SGK3: variants seen among roughly 807,000 people sequenced by gnomAD.
SGK3 encodes serum/glucocorticoid regulated kinase family member 3.
SGK3 carries 47 observed loss-of-function variants against 68.5 expected under a neutral mutation model. The ratio of observed to expected loss-of-function variants is 0.69; its 90% CI spans 0.54 to 0.87. SGK3 has a LOEUF of 0.87. Among genes scored for constraint, SGK3 ranks in the 40% least tolerant of loss-of-function variants. The pLI is 0.00. For synonymous variants in SGK3, 181 were observed against 189.1 expected (o/e 0.96, Z 0.35); for missense variants, 479 against 575.5 (o/e 0.83, Z 1.72).
intron 1 of SGK3, among the ~76,000 whole-genome samples, chr8:66,730,720 C>T (rs928830826): frequency 2.0e-5 from 3 of 152,076 alleles, no homozygotes; most frequent in Non-Finnish European, 2.9e-5. Context: ...GAGACAGTCT[C>T]GCTCTGGAGT....
intron 1 of SGK3, among the ~76,000 whole-genome samples, chr8:66,755,547 A>G (rs1265627311): frequency 1.3e-5 from 2 of 152,184 alleles, no homozygotes; most frequent in Non-Finnish European, 2.9e-5. Flanking sequence ...CACCTCTTCC[A>G]GATGGTTGCT....
chr8:66,716,007 C>T (rs968567144), intron 1 of SGK3, among the ~76,000 whole-genome samples: 2 of 152,162 alleles, frequency 1.3e-5, no homozygotes, highest in African/African-American at 2.4e-5. Context: ...TTTTCCAGTT[C>T]TCATGTTTTC....
chr8:66,717,734 C>G (rs981256387), intron 1 of SGK3, among the ~76,000 whole-genome samples: 1 of 151,928 alleles, frequency 6.6e-6, no homozygotes, highest in Non-Finnish European at 1.5e-5. Flanking sequence ...GACAGAATCT[C>G]GCTGTCTTGC....
At chr8:66,738,307 C>T (rs1170457180) in intron 1 of SGK3, among the ~76,000 whole-genome samples, 1 of 152,160 alleles carries the variant, frequency 6.6e-6, no homozygotes, top group Admixed American at 6.5e-5. Flanking sequence ...CAGTGGCCCC[C>T]TCTTAAATGA....
chr8:66,797,507 G>A (rs558938443), intron 2 of SGK3, among the ~76,000 whole-genome samples: 20 of 152,280 alleles, frequency 1.3e-4, no homozygotes, highest in African/African-American at 4.3e-4. Context: ...TGCAGCTCAT[G>A]TAGGGTGTCT....
intron 1 of SGK3, among the ~76,000 whole-genome samples, chr8:66,749,776 T>A (rs961341860): frequency 6.6e-6 from 1 of 152,074 alleles, no homozygotes; most frequent in Non-Finnish European, 1.5e-5. Flanking sequence ...GATATGTTTA[T>A]ATATAGATGC....
intron 8 of SGK3, among the ~76,000 whole-genome samples, chr8:66,832,540 T>C (rs1028356857): frequency 6.6e-6 from 1 of 152,162 alleles, no homozygotes; most frequent in African/African-American, 2.4e-5. Context: ...TAGAAATTAA[T>C]CCTGCTCTCA....
chr8:66,729,739 A>T (rs1024259756), intron 1 of SGK3, among the ~76,000 whole-genome samples: 1 of 145,622 alleles, frequency 6.9e-6, no homozygotes, highest in Non-Finnish European at 1.5e-5. Flanking sequence ...ATTTATTTTT[A>T]TTTATTTATT....
At chr8:66,768,086 C>G (rs897757509) in intron 1 of SGK3, 2 of 499,826 alleles carry the variant, frequency 4.0e-6, no homozygotes, top group Non-Finnish European at 7.4e-6. Flanking sequence ...AATTATACCA[C>G]ATCACTTATA....
chr8:66,777,888 G>A (rs1249076636), intron 1 of SGK3: 1 of 152,254 alleles, frequency 6.6e-6, no homozygotes, highest in Non-Finnish European at 1.5e-5. Context: ...CCCAAAATGA[G>A]TGTTGCTTCA....
intron 4 of SGK3, among the ~76,000 whole-genome samples, chr8:66,807,302 T>C (rs927485579): frequency 1.3e-5 from 2 of 152,148 alleles, no homozygotes; most frequent in African/African-American, 4.8e-5. Flanking sequence ...ATATGAGACT[T>C]GAACTTGGGT....
chr8:66,788,659 C>A (rs1807308406), intron 1 of SGK3, among the ~76,000 whole-genome samples: 1 of 152,158 alleles, frequency 6.6e-6, no homozygotes, highest in African/African-American at 2.4e-5. Context: ...TATTGAAACT[C>A]ACTATTTGTT....
chr8:66,741,485 G>A (rs879328214), intron 1 of SGK3, among the ~76,000 whole-genome samples: 4 of 152,098 alleles, frequency 2.6e-5, no homozygotes, highest in Non-Finnish European at 5.9e-5. Flanking sequence ...GGGAGGTGGA[G>A]GTTGCAGTGA....
intron 1 of SGK3, among the ~76,000 whole-genome samples, chr8:66,760,906 A>G (rs960179126): frequency 1.3e-5 from 2 of 151,950 alleles, no homozygotes; most frequent in African/African-American, 4.8e-5. Context: ...AATCCCAGCT[A>G]CTTGGGAGGC....
chr8:66,837,141 T>C (rs2130712503), intron 10 of SGK3, among the ~76,000 whole-genome samples: 1 of 152,220 alleles, frequency 6.6e-6, no homozygotes, highest in East Asian at 1.9e-4. Context: ...GTAGAAGTAA[T>C]GTGGTTAGTA....
At chr8:66,805,876 AT>A (rs1252551324) in intron 4 of SGK3, among the ~76,000 whole-genome samples, 6 of 152,216 alleles carry the variant, frequency 3.9e-5, no homozygotes, top group Non-Finnish European at 7.3e-5. Context: ...ACTACTCAAG[AT>A]AAAAGCTCTA....
At chr8:66,723,464 A>AAAAAGGT (rs1804883662) in intron 1 of SGK3, among the ~76,000 whole-genome samples, 1 of 151,910 alleles carries the variant, frequency 6.6e-6, no homozygotes, top group East Asian at 2.0e-4. Flanking sequence ...AGAAAAAAGA[A>AAAAAGGT]AAAAGGTCTT....
chr8:66,778,809 C>T (rs1183570752), intron 1 of SGK3, among the ~76,000 whole-genome samples: 2 of 152,046 alleles, frequency 1.3e-5, no homozygotes, highest in African/African-American at 4.8e-5. Flanking sequence ...ATGTCCAATA[C>T]GCATGTAGAT....
At chr8:66,786,650 G>A (rs533596792) in intron 1 of SGK3, among the ~76,000 whole-genome samples, 7 of 152,108 alleles carry the variant, frequency 4.6e-5, no homozygotes, top group Non-Finnish European at 7.4e-5. Context: ...ACCGCTTTAT[G>A]TTTTTCTTCA....
Sources: allele counts gnomAD v4.1 joint callset (sites outside exome capture counted in the v4.1 genomes callset), GRCh38; gene constraint gnomAD v4.1.1; transcripts MANE v1.5; gene names NCBI Gene and HGNC (gene_info 2026-07-23, HGNC 2026-07-21).